The following TMEM201 variants were observed in gnomAD, a reference collection of about 807,000 sequenced individuals.
The protein encoded by TMEM201 is transmembrane protein 201, also known as RP13-15M17.2.
A neutral mutation model predicts 63.4 loss-of-function variants in TMEM201; 26 were observed. That is an observed-to-expected ratio of 0.41 (90% CI 0.30 to 0.57). The LOEUF (loss-of-function observed/expected upper bound fraction) is 0.57, where lower values mean the gene tolerates loss of function less well. Among genes scored for constraint, TMEM201 ranks in the 20% least tolerant of loss-of-function variants. The pLI, the probability that TMEM201 is intolerant of heterozygous loss-of-function variation, is 0.29. For synonymous variants in TMEM201, 417 were observed against 421.6 expected (o/e 0.99, Z 0.14); for missense variants, 794 against 917.7 (o/e 0.87, Z 1.74).
rs563666340 is a variant in TMEM201 at position 9,603,541 on chromosome 1, C to G, written c.1160+1269C>G. The G allele has an allele frequency of 1.7e-4, 170 of 985,590 alleles. No homozygotes were observed. The African/African-American group carries it at 2.7e-3, about 16-fold the overall frequency. 61.1% of individuals were successfully genotyped at this position (985,590 alleles called of 1,614,324 possible). A position where few individuals can be genotyped will look rare whatever the true frequency, so the allele number is the denominator to read the frequency against. ...GCCACTCTGAGCACGAGTTCACCTT[C>G]CAGATGTGGCCAGGGTGTGCCAGCT... is the stretch of plus-strand genomic sequence containing the variant. On this transcript the variant is annotated intron_variant, in intron 6 of 10. Transcript: ENST00000340381. The surrounding 1 kb of genome is among the most constrained non-coding windows in gnomAD (Gnocchi z 4.5).
Position 9,607,934 on chromosome 1 carries a change from T to TC in TMEM201, c.1393+151dup, listed in dbSNP as rs1218200755. 23 of 817,076 alleles carry TC rather than the reference T, an allele frequency of 2.8e-5. No individual in the cohort carries two copies. Among genetic ancestry groups the TC allele is most frequent in the Non-Finnish European group, 4.1e-5 (22 of 535,970 alleles). 50.6% of individuals were successfully genotyped at this position (817,076 alleles called of 1,614,324 possible). A position where few individuals can be genotyped will look rare whatever the true frequency, so the allele number is the denominator to read the frequency against. ...GCAGCACAGAGCTTTGAGCCTCAGT[T>TC]CCCCCCAAAGAAATGGGGCTAGCTA... On this transcript the variant is annotated intron_variant, in intron 7 of 10. Transcript: ENST00000340381. The surrounding 1 kb of genome is among the most constrained non-coding windows in gnomAD (Gnocchi z 5.4).
chr1:9,593,089 G>A (rs1281544171), intron 1 of TMEM201, among the ~76,000 whole-genome samples: 1 of 152,244 alleles, frequency 6.6e-6, no homozygotes, highest in African/African-American at 2.4e-5. Context: ...GTTTATCAGG[G>A]AAACTTGGGG....
chr1:9,602,895 T>C, intron 6 of TMEM201: 1 of 985,644 alleles, frequency 1.0e-6, no homozygotes, highest in Non-Finnish European at 1.2e-6. Context: ...GAGCTGCAGC[T>C]CTGGCTGCTG....
intron 6 of TMEM201, 132 bp downstream of exon 6, chr1:9,602,404 A>T: frequency 7.0e-7 from 1 of 1,436,492 alleles, no homozygotes; most frequent in Non-Finnish European, 9.1e-7. Context: ...CCCACCCTAC[A>T]GCCCCAGGTC....
At position 9,603,530 on chromosome 1, in the gene TMEM201, G is replaced by A. The variant is rs1281586239; in HGVS notation, c.1160+1258G>A. The A allele has an allele frequency of 4.1e-6, 4 of 985,552 alleles. No homozygotes were observed. The highest frequency in any genetic ancestry group is 4.8e-6 in the Non-Finnish European group (4 of 830,024). 61.1% of individuals were successfully genotyped at this position (985,552 alleles called of 1,614,324 possible). Reference sequence around the variant, plus strand: ...TCCTGCCACTCGCCACTCTGAGCACGAGTTCACCTTCCAGATGTGGCCAGG... The same window carrying A: ...TCCTGCCACTCGCCACTCTGAGCACAAGTTCACCTTCCAGATGTGGCCAGG... On this transcript the variant is annotated intron_variant, in intron 6 of 10. Coordinates refer to ENST00000340381, the MANE Select transcript of TMEM201 (RefSeq NM_001130924.3). The surrounding 1 kb of genome is among the most constrained non-coding windows in gnomAD (Gnocchi z 4.5).
intron 1 of TMEM201, among the ~76,000 whole-genome samples, chr1:9,595,345 C>T (rs1197181345): frequency 6.6e-6 from 1 of 152,258 alleles, no homozygotes; most frequent in Admixed American, 6.5e-5. Context: ...CCCTCAGCCT[C>T]CTTGGCTCTC....
intron 1 of TMEM201, among the ~76,000 whole-genome samples, chr1:9,589,412 C>T (rs1008922048): frequency 1.3e-5 from 2 of 152,230 alleles, no homozygotes; most frequent in African/African-American, 4.8e-5. Flanking sequence ...GGTTGCTGCT[C>T]GGCATGTGAC....
At chr1:9,596,778 G>C (rs1000687587) in intron 2 of TMEM201, 81 bp from the exon 3 acceptor site, 1 of 1,397,412 alleles carries the variant, frequency 7.2e-7, no homozygotes, top group Non-Finnish European at 9.7e-7. Flanking sequence ...TGCCTGGAGC[G>C]GGGCGGGCCC....
chr1:9,598,903 C>T (rs1177665291), intron 4 of TMEM201, among the ~76,000 whole-genome samples: 3 of 151,598 alleles, frequency 2.0e-5, no homozygotes, highest in African/African-American at 7.3e-5. Flanking sequence ...CCTGCCTTGG[C>T]CTCCCAAAGT....
chr1:9,603,106 C>A lies in TMEM201; in HGVS notation c.1160+834C>A. 1 of 985,478 alleles carries A rather than the reference C, an allele frequency of 1.0e-6. No individual in the cohort carries two copies. The highest frequency in any genetic ancestry group is 1.2e-6 in the Non-Finnish European group (1 of 829,992). 61.0% of individuals were successfully genotyped at this position (985,478 alleles called of 1,614,324 possible). A position where few individuals can be genotyped will look rare whatever the true frequency, so the allele number is the denominator to read the frequency against. Reference sequence around the variant, plus strand: ...ATGCAGGCCTTCAGTGACATCAGGTCGTTGTCATCCTTTCCCTCCCTGACC... The same window carrying A: ...ATGCAGGCCTTCAGTGACATCAGGTAGTTGTCATCCTTTCCCTCCCTGACC... On this transcript the variant is annotated intron_variant, in intron 6 of 10. Transcript: ENST00000340381. The surrounding 1 kb of genome is among the most constrained non-coding windows in gnomAD (Gnocchi z 4.5).
chr1:9,606,937 C>T (rs922621752), intron 6 of TMEM201, among the ~76,000 whole-genome samples: 3 of 152,198 alleles, frequency 2.0e-5, no homozygotes, highest in Non-Finnish European at 2.9e-5. Context: ...CAGTTCTGCT[C>T]TACCAGGAAC....
At position 9,601,243 on chromosome 1, in the gene TMEM201, G is replaced by A. The variant is rs2100489819; in HGVS notation, c.745G>A (p.Ala249Thr). The change falls in exon 5 of 11, where the codon GCC (alanine) becomes ACC (threonine). Residue 249 changes from alanine to threonine, a missense_variant. Transcript: ENST00000340381. ...CGCCCCAGGCACCACTGTGCCCCTG[G>A]CCCTGCCACCTGGTGGCAATGGCTC... is the stretch of plus-strand genomic sequence containing the variant. ...HFAPGTTVPLALPPGGNGSAT... is the reference protein window; with the variant it reads ...HFAPGTTVPLTLPPGGNGSAT... 6.2e-7 allele frequency: 1 copy of A among 1,611,400 alleles called. No individual in the cohort carries two copies. The highest frequency in any genetic ancestry group is 8.5e-7 in the Non-Finnish European group (1 of 1,179,756).
Position 9,609,887 on chromosome 1 carries a change from C to G in TMEM201, c.1441C>G (p.Arg481Gly). Residue 481 changes from arginine to glycine, a missense_variant, in exon 8 of 11, where the codon CGA (arginine) becomes GGA (glycine). Physicochemically the swap from Arg to Gly is moderately radical, Grantham distance 125 (BLOSUM62 -2). Coordinates refer to ENST00000340381, the MANE Select transcript of TMEM201 (RefSeq NM_001130924.3). ...SGSRPPSQVS[R>G]SGEFPVSDYF... ...TAGCCGCCCACCATCTCAGGTGTCT[C>G]GATCTGGGGAGTTTCCTGTTTCAGG... 1 of 1,551,450 alleles carries G rather than the reference C, an allele frequency of 6.4e-7. No individual in the cohort carries two copies. Among genetic ancestry groups the G allele is most frequent in the Non-Finnish European group, 8.7e-7 (1 of 1,146,950 alleles).
chr1:9,603,132 T>C lies in TMEM201; in HGVS notation c.1160+860T>C. On this transcript the variant is annotated intron_variant, in intron 6 of 10. Coordinates refer to ENST00000340381, the MANE Select transcript of TMEM201 (RefSeq NM_001130924.3). The surrounding 1 kb of genome is among the most constrained non-coding windows in gnomAD (Gnocchi z 4.5). Reference sequence around the variant, plus strand: ...GTTGTCATCCTTTCCCTCCCTGACCTGTCACGAGCCTCTGCAGGTGCCTGC... The same window carrying C: ...GTTGTCATCCTTTCCCTCCCTGACCCGTCACGAGCCTCTGCAGGTGCCTGC... 4.1e-6 allele frequency: 4 copies of C among 985,520 alleles called. No individual in the cohort carries two copies. Among genetic ancestry groups the C allele is most frequent in the Non-Finnish European group, 4.8e-6 (4 of 830,000 alleles). The allele number at this position is 985,520 out of a possible 1,614,324, so 61.0% of individuals were successfully genotyped here. A position where few individuals can be genotyped will look rare whatever the true frequency, so the allele number is the denominator to read the frequency against.
intron 4 of TMEM201, among the ~76,000 whole-genome samples, chr1:9,599,436 G>A (rs989793317): frequency 6.6e-6 from 1 of 151,042 alleles, no homozygotes; most frequent in African/African-American, 2.4e-5. Context: ...TAGTAGAGAC[G>A]AGGTTTCACC....
At chr1:9,598,116 G>A (rs539474475) in intron 3 of TMEM201, among the ~76,000 whole-genome samples, 7 of 152,174 alleles carry the variant, frequency 4.6e-5, no homozygotes, top group Non-Finnish European at 1.0e-4. Context: ...CTTCCCCCAT[G>A]TTCACCCACC....
At chr1:9,592,989 A>C (rs975570121) in intron 1 of TMEM201, among the ~76,000 whole-genome samples, 1 of 152,138 alleles carries the variant, frequency 6.6e-6, no homozygotes, top group Non-Finnish European at 1.5e-5. Flanking sequence ...CTGTCACGTT[A>C]CCTCAAACCT....
Position 9,607,678 on chromosome 1 carries a change from C to T in TMEM201, c.1282C>T (p.Leu428Phe), listed in dbSNP as rs1051191145. The change falls in exon 7 of 11, where the codon CTC (leucine) becomes TTC (phenylalanine). Residue 428 changes from leucine (L) to phenylalanine (F), a missense_variant. Coordinates refer to ENST00000340381, the MANE Select transcript of TMEM201 (RefSeq NM_001130924.3). This position sits in a 1 kb window ranked among gnomAD's most constrained non-coding sequence, Gnocchi z 5.4. The stretch of plus-strand genomic sequence containing the variant: ...CCCCAGCCCGCCCAGCTTCCTGCCC[C>T]TCGCCAACCAGCAGCTCTTCCGGTC... ...FIPSPPSFLP[L>F]ANQQLFRSPR... The T allele has an allele frequency of 3.2e-5, 50 of 1,551,888 alleles. No individual in the cohort carries two copies. In the African/African-American group the frequency reaches 6.7e-4, roughly 21 times the overall value.
At chr1:9,595,160 G>C (rs1373048981) in intron 1 of TMEM201, among the ~76,000 whole-genome samples, 2 of 152,188 alleles carry the variant, frequency 1.3e-5, no homozygotes, top group African/African-American at 4.8e-5. Flanking sequence ...CAGTCCCCCA[G>C]TGTCCCACAA....
Sources: gnomAD v4.1 joint callset for allele counts (sites outside exome capture counted in the v4.1 genomes callset) on GRCh38, gnomAD v4.1.1 for gene constraint, Gnocchi (gnomAD v3.1) non-coding constraint, MANE v1.5 for transcripts, NCBI Gene and HGNC (gene_info 2026-07-23, HGNC 2026-07-21) for gene names.